Variants in POFUT3 observed in about 807,000 individuals in gnomAD.
POFUT3 encodes GDP-fucose protein O-fucosyltransferase 3.
the POFUT3 span, among the ~76,000 whole-genome samples, chr8:33,336,561 C>A: frequency 6.6e-6 from 1 of 152,066 alleles, no homozygotes; most frequent in East Asian, 1.9e-4. Context: ...TCCAGGAAAC[C>A]ACTGGGTCTG....
At chr8:33,389,846 C>T in the POFUT3 span, 1 of 1,375,892 alleles carries the variant, frequency 7.3e-7, no homozygotes, top group Non-Finnish European at 1.0e-6. Flanking sequence ...AAAGATGTTG[C>T]TAAGTTTGGG....
At chr8:33,413,061 GTTCAT>G in the POFUT3 span, among the ~76,000 whole-genome samples, 9 of 152,140 alleles carry the variant, frequency 5.9e-5, no homozygotes, top group Admixed American at 3.9e-4. Flanking sequence ...TGATAGTTGT[GTTCAT>G]TTCATTTTTT....
chr8:33,316,572 A>AAAAG, the POFUT3 span, among the ~76,000 whole-genome samples: 908 of 130,682 alleles, frequency 6.9e-3, 11 homozygotes, highest in African/African-American at 0.024. Flanking sequence ...ACTACAAAAA[A>AAAAG]AAAGAAAGAA....
At chr8:33,391,451 A>G in the POFUT3 span, among the ~76,000 whole-genome samples, 1 of 152,238 alleles carries the variant, frequency 6.6e-6, no homozygotes, top group Admixed American at 6.5e-5. Flanking sequence ...ACTCACCCAT[A>G]TACCTGAAAT....
chr8:33,340,980 A>C, the POFUT3 span, among the ~76,000 whole-genome samples: 1 of 152,196 alleles, frequency 6.6e-6, no homozygotes, highest in South Asian at 2.1e-4. Context: ...CAATAACAGA[A>C]GAATACATAT....
At chr8:33,452,158 T>C in the POFUT3 span, 2 of 152,278 alleles carry the variant, frequency 1.3e-5, no homozygotes, top group Non-Finnish European at 2.9e-5. Flanking sequence ...TATGTATACG[T>C]GTGTACAACT....
the POFUT3 span, chr8:33,436,789 T>C: frequency 2.0e-6 from 1 of 495,612 alleles, no homozygotes; most frequent in Non-Finnish European, 3.7e-6. Flanking sequence ...GGCCAATTTT[T>C]TTCAACTTTT....
chr8:33,456,514 C>A, the POFUT3 span, among the ~76,000 whole-genome samples: 1 of 151,892 alleles, frequency 6.6e-6, no homozygotes, highest in Admixed American at 6.6e-5. Flanking sequence ...CAGGCCACCA[C>A]GCCCTGCTAA....
chr8:33,379,277 C>T, the POFUT3 span, among the ~76,000 whole-genome samples: 1 of 151,894 alleles, frequency 6.6e-6, no homozygotes, highest in Non-Finnish European at 1.5e-5. Flanking sequence ...TAATACACAT[C>T]CCTCCTCCCC....
At chr8:33,316,233 G>A in the POFUT3 span, among the ~76,000 whole-genome samples, 1 of 152,054 alleles carries the variant, frequency 6.6e-6, no homozygotes, top group Admixed American at 6.6e-5. Context: ...CTATGGTGCT[G>A]GTGAGAATCC....
chr8:33,390,037 A>T, the POFUT3 span, among the ~76,000 whole-genome samples: 1 of 152,188 alleles, frequency 6.6e-6, no homozygotes, highest in East Asian at 1.9e-4. Context: ...TCTGCTAAAA[A>T]TACAAAAATT....
the POFUT3 span, among the ~76,000 whole-genome samples, chr8:33,356,439 T>G: frequency 6.6e-6 from 1 of 152,222 alleles, no homozygotes; most frequent in Non-Finnish European, 1.5e-5. Context: ...TGAGCATTTT[T>G]TCATGTGTTT....
chr8:33,368,248 T>C, the POFUT3 span, among the ~76,000 whole-genome samples: 1 of 152,218 alleles, frequency 6.6e-6, no homozygotes, highest in Non-Finnish European at 1.5e-5. Context: ...CACCTCTGAC[T>C]GACCAGAGGC....
the POFUT3 span, among the ~76,000 whole-genome samples, chr8:33,406,775 G>A: frequency 6.6e-6 from 1 of 151,924 alleles, no homozygotes; most frequent in African/African-American, 2.4e-5. Context: ...ATGTTACCCA[G>A]GCTGAGGGCA....
At chr8:33,466,965 T>A in the POFUT3 span, among the ~76,000 whole-genome samples, 2 of 151,812 alleles carry the variant, frequency 1.3e-5, no homozygotes, top group East Asian at 3.9e-4. Context: ...ATTAGCCGGG[T>A]GTGGTGGCAG....
the POFUT3 span, among the ~76,000 whole-genome samples, chr8:33,432,933 AC>A: frequency 6.6e-6 from 1 of 152,116 alleles, no homozygotes; most frequent in Non-Finnish European, 1.5e-5. Context: ...ATATAGAAGT[AC>A]TTAAAATCAT....
chr8:33,353,933 T>C, the POFUT3 span, among the ~76,000 whole-genome samples: 6 of 152,220 alleles, frequency 3.9e-5, no homozygotes, highest in East Asian at 9.6e-4. Context: ...TCTGGAATTA[T>C]GCTGTGTGCA....
chr8:33,462,313 G>C, the POFUT3 span, among the ~76,000 whole-genome samples: 3 of 152,162 alleles, frequency 2.0e-5, no homozygotes, highest in African/African-American at 7.2e-5. Flanking sequence ...ACTTTTATAT[G>C]AAGTCATTCC....
chr8:33,363,204 A>G, the POFUT3 span, among the ~76,000 whole-genome samples: 1 of 152,226 alleles, frequency 6.6e-6, no homozygotes, highest in African/African-American at 2.4e-5. Flanking sequence ...AGACATAAAG[A>G]TGTTCTTGGA....
Sources: allele counts gnomAD v4.1 joint callset (sites outside exome capture counted in the v4.1 genomes callset), GRCh38; gene constraint gnomAD v4.1.1; transcripts MANE v1.5; gene names NCBI Gene and HGNC (gene_info 2026-07-23, HGNC 2026-07-21).